PCP4: variants seen among roughly 807,000 people sequenced by gnomAD.
PCP4 encodes the protein calmodulin regulator protein PCP4.
A neutral mutation model predicts 10.0 loss-of-function variants in PCP4; 8 were observed. The ratio of observed to expected loss-of-function variants is 0.80; its 90% CI spans 0.47 to 1.45. The LOEUF (loss-of-function observed/expected upper bound fraction) is 1.45. PCP4 is among the 40% of genes most tolerant of loss of function. PCP4 has a pLI of 0.00. For missense variants in PCP4, 54 were observed against 74.4 expected (o/e 0.73, Z 1.01); for synonymous variants, 21 against 23.0 (o/e 0.91, Z 0.24).
chr21:39,925,058 C>T (rs1373605489), intron 2 of PCP4, among the ~76,000 whole-genome samples: 1 of 152,232 alleles, frequency 6.6e-6, no homozygotes, highest in South Asian at 2.1e-4. Flanking sequence ...CTGTGCCCCT[C>T]TTCTCTCCAT....
intron 1 of PCP4, among the ~76,000 whole-genome samples, chr21:39,872,617 A>C (rs2087325759): frequency 6.6e-6 from 1 of 152,252 alleles, no homozygotes; most frequent in Non-Finnish European, 1.5e-5. Flanking sequence ...TAGGCTGCAT[A>C]GTATTGATTA....
intron 1 of PCP4, among the ~76,000 whole-genome samples, chr21:39,880,975 G>A (rs992907745): frequency 6.6e-6 from 1 of 152,150 alleles, no homozygotes; most frequent in East Asian, 1.9e-4. Flanking sequence ...ACAGCTGTTA[G>A]ATGAGTTGGT....
At chr21:39,907,106 C>T (rs1260499023) in intron 2 of PCP4, among the ~76,000 whole-genome samples, 1 of 152,092 alleles carries the variant, frequency 6.6e-6, no homozygotes, top group Non-Finnish European at 1.5e-5. Flanking sequence ...TCTGGGATTA[C>T]AAAAGCACGG....
chr21:39,898,045 CAA>C (rs780273912), intron 1 of PCP4, among the ~76,000 whole-genome samples: 10,571 of 73,238 alleles, frequency 0.14, 227 homozygotes, highest in South Asian at 0.28. Context: ...GACTCAGTCT[CAA>C]AAAAAAAAAA....
At chr21:39,922,679 AG>A (rs1026175289) in intron 2 of PCP4, among the ~76,000 whole-genome samples, 9 of 152,150 alleles carry the variant, frequency 5.9e-5, no homozygotes, top group African/African-American at 2.2e-4. Flanking sequence ...CAGAGGGAAA[AG>A]CCTCATTGCC....
intron 1 of PCP4, among the ~76,000 whole-genome samples, chr21:39,888,427 T>G (rs1207435340): frequency 1.3e-5 from 2 of 152,118 alleles, no homozygotes; most frequent in Non-Finnish European, 2.9e-5. Flanking sequence ...GATGGATAAG[T>G]GGGGGGAGCG....
At chr21:39,886,386 C>T (rs979287427) in intron 1 of PCP4, among the ~76,000 whole-genome samples, 1 of 152,182 alleles carries the variant, frequency 6.6e-6, no homozygotes, top group Non-Finnish European at 1.5e-5. Context: ...CTACTAAATA[C>T]ACTAATACTA....
chr21:39,922,148 G>A (rs1207162993), intron 2 of PCP4, among the ~76,000 whole-genome samples: 1 of 152,132 alleles, frequency 6.6e-6, no homozygotes, highest in Non-Finnish European at 1.5e-5. Context: ...CACCATGCCT[G>A]GCCCTGAGAC....
chr21:39,898,045 C>CAA (rs780273912), intron 1 of PCP4, among the ~76,000 whole-genome samples: 9,303 of 73,520 alleles, frequency 0.13, 736 homozygotes, highest in African/African-American at 0.16. Context: ...GACTCAGTCT[C>CAA]AAAAAAAAAA....
intron 1 of PCP4, among the ~76,000 whole-genome samples, chr21:39,869,036 C>T (rs1249804553): frequency 1.3e-5 from 2 of 152,196 alleles, no homozygotes; most frequent in African/African-American, 4.8e-5. Context: ...GCTTCTGTGT[C>T]CACATCAGCT....
chr21:39,877,554 G>A (rs1035960201), intron 1 of PCP4, among the ~76,000 whole-genome samples: 6 of 151,770 alleles, frequency 4.0e-5, no homozygotes, highest in African/African-American at 1.2e-4. Context: ...AAAATTAGCC[G>A]GGTGTGGTGG....
intron 2 of PCP4, among the ~76,000 whole-genome samples, chr21:39,923,648 A>T (rs1462735761): frequency 6.6e-6 from 1 of 152,152 alleles, no homozygotes; most frequent in Non-Finnish European, 1.5e-5. Context: ...GCAGAATCCT[A>T]TGTGCACATG....
chr21:39,891,230 T>C (rs1318507963), intron 1 of PCP4, among the ~76,000 whole-genome samples: 2 of 152,230 alleles, frequency 1.3e-5, no homozygotes, highest in Admixed American at 6.5e-5. Context: ...ACACCTCTCA[T>C]GTGTCACTAG....
intron 2 of PCP4, among the ~76,000 whole-genome samples, chr21:39,899,869 CA>C (rs1006422866): frequency 3.9e-5 from 6 of 152,226 alleles, no homozygotes; most frequent in Admixed American, 2.0e-4. Context: ...AGGAAGGACC[CA>C]CTGCCTGCCA....
At position 39,919,278 on chromosome 21, in the gene PCP4, T is replaced by C. The variant is rs114667771; in HGVS notation, c.62-9706T>C. Reference sequence around the variant, plus strand: ...CAGAACTCCGCATCAATTAGCTTAATGATATCAAGGGCAACACAGCTGACA... The same window carrying C: ...CAGAACTCCGCATCAATTAGCTTAACGATATCAAGGGCAACACAGCTGACA... On this transcript the variant is annotated intron_variant, in intron 2 of 2. Transcript: ENST00000328619. 7.6e-3 allele frequency among the ~76,000 whole-genome samples: 1,164 copies of C among 152,342 alleles called. 18 individuals carry two copies. The highest frequency in any genetic ancestry group is 0.027 in the African/African-American group (1,124 of 41,586).
chr21:39,896,592 G>A (rs1043867148), intron 1 of PCP4, among the ~76,000 whole-genome samples: 1 of 152,292 alleles, frequency 6.6e-6, no homozygotes, highest in East Asian at 1.9e-4. Flanking sequence ...AATGGTATTC[G>A]TAATAAGTGG....
chr21:39,885,308 T>G (rs891828771), intron 1 of PCP4, among the ~76,000 whole-genome samples: 1 of 152,074 alleles, frequency 6.6e-6, no homozygotes, highest in African/African-American at 2.4e-5. Flanking sequence ...GCCAGGGCTG[T>G]GGGAGGTGTT....
intron 2 of PCP4, among the ~76,000 whole-genome samples, chr21:39,902,222 A>G (rs1054381486): frequency 6.6e-6 from 1 of 152,228 alleles, no homozygotes; most frequent in East Asian, 1.9e-4. Context: ...TGAAATTTGG[A>G]TAGTAACACT....
At chr21:39,901,046 T>C (rs796316110) in intron 2 of PCP4, among the ~76,000 whole-genome samples, 10 of 152,330 alleles carry the variant, frequency 6.6e-5, no homozygotes, top group African/African-American at 2.4e-4. Flanking sequence ...GTGGCAATTT[T>C]ACATTTCTGC....
Sources: gnomAD v4.1 joint callset for allele counts (sites outside exome capture counted in the v4.1 genomes callset) on GRCh38, gnomAD v4.1.1 for gene constraint, MANE v1.5 for transcripts, NCBI Gene and HGNC (gene_info 2026-07-23, HGNC 2026-07-21) for gene names.